CELF2: variants seen among roughly 807,000 people sequenced by gnomAD.
CELF2 encodes CUG triplet repeat RNA-binding protein 2.
CELF2 carries 8 observed loss-of-function variants against 62.6 expected under a neutral mutation model. The ratio of observed to expected loss-of-function variants is 0.13; its 90% CI spans 0.07 to 0.23. The LOEUF (loss-of-function observed/expected upper bound fraction) is 0.23. CELF2 is among the 10% of genes least tolerant of loss of function. The pLI is 1.00. For missense variants in CELF2, 333 were observed against 671.0 expected (o/e 0.50, Z 5.56); for synonymous variants, 258 against 250.0 (o/e 1.03, Z -0.30).
At chr10:10,911,585 G>T (rs1345469323) in intron 1 of CELF2, among the ~76,000 whole-genome samples, 1 of 152,226 alleles carries the variant, frequency 6.6e-6, no homozygotes, top group East Asian at 1.9e-4. Flanking sequence ...ATTGACTAAG[G>T]GATTTGTGCA....
chr10:10,868,852 G>T (rs541259385), intron 1 of CELF2, among the ~76,000 whole-genome samples: 1 of 152,318 alleles, frequency 6.6e-6, no homozygotes, highest in South Asian at 2.1e-4. Flanking sequence ...GGAAGAATTT[G>T]TGGCTCACTG....
chr10:10,732,155 G>T, the CELF2 span, among the ~76,000 whole-genome samples: 10 of 152,182 alleles, frequency 6.6e-5, no homozygotes, highest in Admixed American at 6.5e-4. Flanking sequence ...TGCCTTGGCA[G>T]GGAGGGCTAG....
chr10:11,282,346 C>T (rs4545437), intron 8 of CELF2, among the ~76,000 whole-genome samples: 15,609 of 152,130 alleles, frequency 0.1, 894 homozygotes, highest in Middle Eastern at 0.18. Flanking sequence ...AGGGAAGGGG[C>T]GGGGCTCTCT....
chr10:11,213,606 G>A (rs1372017655), intron 2 of CELF2, among the ~76,000 whole-genome samples: 1 of 152,140 alleles, frequency 6.6e-6, no homozygotes, highest in Admixed American at 6.6e-5. Context: ...ATATTTTACA[G>A]GAGCATATTA....
the CELF2 span, among the ~76,000 whole-genome samples, chr10:10,690,692 C>T: frequency 6.6e-6 from 1 of 152,074 alleles, no homozygotes; most frequent in East Asian, 1.9e-4. Flanking sequence ...ACAGTGTGGC[C>T]ATGATGGTGA....
At chr10:10,708,029 A>G in the CELF2 span, among the ~76,000 whole-genome samples, 2 of 152,218 alleles carry the variant, frequency 1.3e-5, no homozygotes, top group South Asian at 2.1e-4. Context: ...CATTTCACCA[A>G]TTATTGGCAG....
At chr10:11,236,735 A>G (rs1275288167) in intron 3 of CELF2, among the ~76,000 whole-genome samples, 1 of 152,242 alleles carries the variant, frequency 6.6e-6, no homozygotes, top group Non-Finnish European at 1.5e-5. Context: ...CAATTACCCA[A>G]CCTAACTTGA....
At chr10:10,623,085 CAAAAAAAAAAAAAAAAAAAA>C in the CELF2 span, among the ~76,000 whole-genome samples, 3 of 57,198 alleles carry the variant, frequency 5.2e-5, no homozygotes, top group Non-Finnish European at 9.4e-5. Flanking sequence ...GACTCCGTCT[CAAAAAAAAAAAAAAAAAAAA>C]AAAAAAAAAA....
the CELF2 span, among the ~76,000 whole-genome samples, chr10:10,571,978 G>T: frequency 6.6e-6 from 1 of 152,106 alleles, no homozygotes; most frequent in African/African-American, 2.4e-5. Context: ...GAGGGAGGCA[G>T]AACAGTCTGA....
intron 1 of CELF2, among the ~76,000 whole-genome samples, chr10:10,876,353 G>C (rs2061092527): frequency 6.6e-6 from 1 of 152,160 alleles, no homozygotes; most frequent in Non-Finnish European, 1.5e-5. Flanking sequence ...TCACAGTTAA[G>C]TTTGGGTTAA....
At chr10:11,106,851 G>A (rs2053626811) in intron 1 of CELF2, among the ~76,000 whole-genome samples, 1 of 152,162 alleles carries the variant, frequency 6.6e-6, no homozygotes. Context: ...GGACAATGAC[G>A]CTTCAGTGTG....
intron 1 of CELF2, among the ~76,000 whole-genome samples, chr10:10,916,239 G>C (rs6602468): frequency 1.3e-5 from 2 of 152,076 alleles, no homozygotes; most frequent in African/African-American, 4.8e-5. Context: ...CGATTTGCTG[G>C]TCTCAAAAAT....
chr10:10,500,553 C>G, the CELF2 span, among the ~76,000 whole-genome samples: 1 of 152,146 alleles, frequency 6.6e-6, no homozygotes, highest in Non-Finnish European at 1.5e-5. Flanking sequence ...GTAAGACATG[C>G]CTTTTGCCTT....
chr10:10,801,738 G>T (rs1422920483), intron 1 of CELF2, among the ~76,000 whole-genome samples: 2 of 152,212 alleles, frequency 1.3e-5, no homozygotes, highest in Admixed American at 1.3e-4. Flanking sequence ...TCATGTGTTT[G>T]GTCCAGGAGC....
chr10:11,124,034 A>C (rs1026222636), intron 1 of CELF2, among the ~76,000 whole-genome samples: 4 of 152,198 alleles, frequency 2.6e-5, no homozygotes, highest in South Asian at 2.1e-4. Flanking sequence ...ACATGGTGGC[A>C]GGCAGGAGAG....
the CELF2 span, among the ~76,000 whole-genome samples, chr10:10,634,165 A>G: frequency 4.6e-5 from 7 of 152,100 alleles, no homozygotes; most frequent in African/African-American, 1.2e-4. Context: ...AATCTATATG[A>G]TGCTATGTTT....
At chr10:10,926,831 T>G (rs2065519080) in intron 2 of CELF2, among the ~76,000 whole-genome samples, 1 of 152,240 alleles carries the variant, frequency 6.6e-6, no homozygotes, top group Non-Finnish European at 1.5e-5. Context: ...GCCAGGTAGG[T>G]GCTTTTCTTC....
At position 11,268,059 on chromosome 10, in the gene CELF2, G is replaced by T. The variant is rs530211580; in HGVS notation, c.618+1382G>T. Among the ~76,000 whole-genome samples, 13 of 152,254 alleles carry T rather than the reference G, an allele frequency of 8.5e-5. No homozygotes were observed. The South Asian group carries it at 2.7e-3, about 32-fold the overall frequency. ...GGCGATAATGAGCAGGATTTGGAAT[G>T]TCTAGGAAGCTAATCTTGTCTGACA... On this transcript the variant is annotated intron_variant, in intron 6 of 12. Coordinates refer to ENST00000633077, the MANE Select transcript of CELF2 (RefSeq NM_001326342.2). This position sits in a 1 kb window ranked among gnomAD's most constrained non-coding sequence, Gnocchi z 4.7.
chr10:10,812,332 C>T (rs1264003600), intron 1 of CELF2, among the ~76,000 whole-genome samples: 1 of 152,132 alleles, frequency 6.6e-6, no homozygotes, highest in Non-Finnish European at 1.5e-5. Flanking sequence ...GAAACTGCCC[C>T]CATGATTCAA....
Sources: gnomAD v4.1 joint callset for allele counts (sites outside exome capture counted in the v4.1 genomes callset) on GRCh38, gnomAD v4.1.1 for gene constraint, Gnocchi (gnomAD v3.1) non-coding constraint, MANE v1.5 for transcripts, NCBI Gene and HGNC (gene_info 2026-07-23, HGNC 2026-07-21) for gene names.